The following HPCAL1 variants were observed in gnomAD, a reference collection of about 807,000 sequenced individuals.
HPCAL1 encodes hippocalcin-like protein 1.
A neutral mutation model predicts 17.1 loss-of-function variants in HPCAL1; 8 were observed. The ratio of observed to expected loss-of-function variants is 0.47; its 90% CI spans 0.27 to 0.84. The LOEUF is 0.84. HPCAL1 is among the 40% of genes least tolerant of loss of function. HPCAL1 has a pLI of 0.13. For missense variants in HPCAL1, 165 were observed against 271.1 expected (o/e 0.61, Z 2.75); for synonymous variants, 112 against 111.4 (o/e 1.01, Z -0.03).
At chr2:10,374,686 C>T (rs969881164) in intron 1 of HPCAL1, among the ~76,000 whole-genome samples, 19 of 152,222 alleles carry the variant, frequency 1.2e-4, no homozygotes, top group Admixed American at 1.0e-3. Flanking sequence ...TGGAAAGGGC[C>T]TGGGGTTGAG....
At chr2:10,349,702 CAAAAAAAAAAAAAAAAAAAA>C (rs55897775) in intron 1 of HPCAL1, among the ~76,000 whole-genome samples, 8 of 52,738 alleles carry the variant, frequency 1.5e-4, no homozygotes, top group South Asian at 9.3e-4. Context: ...GACTCTGTCT[CAAAAAAAAAAAAAAAAAAAA>C]AAAAAAAAAA....
At chr2:10,401,979 C>T (rs566608153) in intron 2 of HPCAL1, among the ~76,000 whole-genome samples, 4 of 152,222 alleles carry the variant, frequency 2.6e-5, no homozygotes, top group African/African-American at 9.6e-5. Flanking sequence ...CAGCTCACTG[C>T]AAGCTCCGCC....
chr2:10,385,296 C>G (rs891899421), intron 1 of HPCAL1, among the ~76,000 whole-genome samples: 15 of 152,300 alleles, frequency 9.8e-5, no homozygotes, highest in African/African-American at 3.6e-4. Context: ...GCTTACGTCC[C>G]TGGGGGACTC....
At chr2:10,385,373 C>T (rs1406398156) in intron 1 of HPCAL1, among the ~76,000 whole-genome samples, 1 of 125,480 alleles carries the variant, frequency 8.0e-6, no homozygotes, top group African/African-American at 3.2e-5. Flanking sequence ...CAGGGCTGAA[C>T]CCCTGGAGGT....
chr2:10,334,322 G>T (rs57008246), intron 1 of HPCAL1, among the ~76,000 whole-genome samples: 7,157 of 150,056 alleles, frequency 0.048, 542 homozygotes, highest in African/African-American at 0.16. Flanking sequence ...GTTTTGTTTT[G>T]TTTTGTTTTT....
At chr2:10,402,620 G>A (rs951280179) in intron 2 of HPCAL1, among the ~76,000 whole-genome samples, 51 of 152,278 alleles carry the variant, frequency 3.3e-4, no homozygotes, top group African/African-American at 9.6e-4. Context: ...CGTTTCAGCC[G>A]GGCTGAGGCC....
Position 10,362,611 on chromosome 2 carries a change from A to G in HPCAL1, c.-110-34224A>G, listed in dbSNP as rs1666590509. 6.6e-6 allele frequency among the ~76,000 whole-genome samples: 1 copy of G among 152,194 alleles called. No individual in the cohort carries two copies. The highest frequency in any genetic ancestry group is 1.9e-4 in the East Asian group (1 of 5,184). On this transcript the variant is annotated intron_variant, in intron 1 of 4. Transcript: ENST00000307845. The surrounding 1 kb of genome is among the most constrained non-coding windows in gnomAD (Gnocchi z 5.0). Reference sequence around the variant, plus strand: ...CTGCCACTTGGCAGCCTCACCAGGGACATATCAGCCCCAGGCTGATTATCT... The same window carrying G: ...CTGCCACTTGGCAGCCTCACCAGGGGCATATCAGCCCCAGGCTGATTATCT...
At chr2:10,383,298 A>G (rs1482459865) in intron 1 of HPCAL1, among the ~76,000 whole-genome samples, 1 of 152,020 alleles carries the variant, frequency 6.6e-6, no homozygotes, top group Non-Finnish European at 1.5e-5. Context: ...CTTGAGCCCA[A>G]GAGGTTGAGG....
chr2:10,368,230 T>C (rs1263172822), intron 1 of HPCAL1, among the ~76,000 whole-genome samples: 1 of 145,556 alleles, frequency 6.9e-6, no homozygotes, highest in African/African-American at 2.6e-5. Flanking sequence ...TGTGTACACA[T>C]ATGCATGTGT....
intron 2 of HPCAL1, among the ~76,000 whole-genome samples, chr2:10,406,647 A>G (rs1322217573): frequency 1.3e-5 from 2 of 152,188 alleles, no homozygotes; most frequent in Non-Finnish European, 2.9e-5. Flanking sequence ...CCAGGACTCC[A>G]CACCCAGATT....
rs1013944517 is a variant in HPCAL1 at position 10,344,273 on chromosome 2, T to C, written c.-111+41096T>C. On this transcript the variant is annotated intron_variant, in intron 1 of 4. Coordinates refer to ENST00000307845, the MANE Select transcript of HPCAL1 (RefSeq NM_002149.4). The surrounding 1 kb of genome is among the most constrained non-coding windows in gnomAD (Gnocchi z 4.9). ...CACTTCGACCAGCGTCTGTGTGGGGTGTGCAGCAGCCCTGAGCCAAGGATT... is the reference window on the plus strand; with the variant it reads ...CACTTCGACCAGCGTCTGTGTGGGGCGTGCAGCAGCCCTGAGCCAAGGATT... Among the ~76,000 whole-genome samples, 1 of 151,990 alleles carries C rather than the reference T, an allele frequency of 6.6e-6. No homozygotes were observed. The highest frequency in any genetic ancestry group is 2.4e-5 in the African/African-American group (1 of 41,348).
chr2:10,389,269 T>C (rs935088297), intron 1 of HPCAL1, among the ~76,000 whole-genome samples: 2 of 152,202 alleles, frequency 1.3e-5, no homozygotes, highest in African/African-American at 2.4e-5. Flanking sequence ...TGGGAATAAA[T>C]CTGATTGCAG....
At chr2:10,319,514 C>T (rs1663533479) in intron 1 of HPCAL1, among the ~76,000 whole-genome samples, 1 of 146,762 alleles carries the variant, frequency 6.8e-6, no homozygotes, top group Non-Finnish European at 1.5e-5. Flanking sequence ...GCAAGCAGCT[C>T]TGCTCAAACA....
intron 1 of HPCAL1, among the ~76,000 whole-genome samples, chr2:10,386,105 A>G (rs1221599287): frequency 1.3e-5 from 2 of 152,078 alleles, no homozygotes; most frequent in African/African-American, 2.4e-5. Flanking sequence ...GGACTTTCAC[A>G]TGGGCCAGCC....
intron 1 of HPCAL1, among the ~76,000 whole-genome samples, chr2:10,338,279 G>T (rs1664843143): frequency 6.6e-6 from 1 of 152,082 alleles, no homozygotes; most frequent in Admixed American, 6.5e-5. Flanking sequence ...AGGACCTGGT[G>T]AATAATAAAC....
In HPCAL1 at chr2:10,342,609, C is replaced by A. The variant is rs1340055836; in HGVS notation, c.-111+39432C>A. 6.6e-6 allele frequency among the ~76,000 whole-genome samples: 1 copy of A among 152,156 alleles called. No homozygotes were observed. The highest frequency in any genetic ancestry group is 1.5e-5 in the Non-Finnish European group (1 of 68,016). On this transcript the variant is annotated intron_variant, in intron 1 of 4. Coordinates refer to ENST00000307845, the MANE Select transcript of HPCAL1 (RefSeq NM_002149.4). This position sits in a 1 kb window ranked among gnomAD's most constrained non-coding sequence, Gnocchi z 4.1. ...AAATTGAGGTGAAAGCATTCCAGGC[C>A]TAGGGAACAGCATGTGCAGAGGTGC...
Position 10,355,218 on chromosome 2 carries a change from G to A in HPCAL1, c.-110-41617G>A, listed in dbSNP as rs368592960. Reference sequence around the variant, plus strand: ...TGTAATCCCAGCACTTTGGGAGGCCGAGGCGGGCGGATCACGAGGTCAGGA... The same window carrying A: ...TGTAATCCCAGCACTTTGGGAGGCCAAGGCGGGCGGATCACGAGGTCAGGA... On this transcript the variant is annotated intron_variant, in intron 1 of 4. Coordinates refer to ENST00000307845, the MANE Select transcript of HPCAL1 (RefSeq NM_002149.4). Among the ~76,000 whole-genome samples, 102 of 152,124 alleles carry A rather than the reference G, an allele frequency of 6.7e-4. 1 individual carries two copies. The highest frequency in any genetic ancestry group is 2.2e-3 in the African/African-American group (92 of 41,504).
At chr2:10,305,080 T>G (rs540227982) in intron 1 of HPCAL1, among the ~76,000 whole-genome samples, 22 of 152,136 alleles carry the variant, frequency 1.4e-4, no homozygotes, top group Admixed American at 1.4e-3. Context: ...GATGAACTCA[T>G]TTTCTCATTT....
chr2:10,317,939 C>T (rs945238378), intron 1 of HPCAL1, among the ~76,000 whole-genome samples: 2 of 152,224 alleles, frequency 1.3e-5, no homozygotes, highest in African/African-American at 4.8e-5. Flanking sequence ...TTGTTGTCCC[C>T]ATGGGACGAG....
Sources: allele counts gnomAD v4.1 joint callset (sites outside exome capture counted in the v4.1 genomes callset), GRCh38; gene constraint gnomAD v4.1.1; non-coding constraint Gnocchi (gnomAD v3.1); transcripts MANE v1.5; gene names NCBI Gene and HGNC (gene_info 2026-07-23, HGNC 2026-07-21).